DNAH5: variants seen among roughly 807,000 people sequenced by gnomAD.
DNAH5 encodes the protein axonemal beta dynein heavy chain 5.
DNAH5 carries 372 observed loss-of-function variants against 518.2 expected under a neutral mutation model. The ratio of observed to expected loss-of-function variants is 0.72; its 90% CI spans 0.66 to 0.78. DNAH5 has a LOEUF of 0.78. Among genes scored for constraint, DNAH5 ranks in the 30% least tolerant of loss-of-function variants. The pLI is 0.00. For synonymous variants in DNAH5, 2,039 were observed against 2,025.9 expected, an observed-to-expected ratio of 1.01 and a Z score of -0.17; for missense variants, 5,523 against 5,687.0, an observed-to-expected ratio of 0.97 and a Z score of 0.93.
intron 35 of DNAH5, among the ~76,000 whole-genome samples, chr5:13,832,972 T>C (rs1763866568): frequency 6.6e-6 from 1 of 152,206 alleles, no homozygotes; most frequent in Non-Finnish European, 1.5e-5. Context: ...TTTCAACTCC[T>C]ATTGGTTCTA....
chr5:13,824,107 G>T lies in DNAH5; in HGVS notation c.6579+92C>A, dbSNP rs188403653. ...TCTGACAATTAGGCATTTTAAATGA[G>T]CATTTTAAATAAATATTTTGAAGTC... On this transcript the variant is annotated intron_variant, in intron 39 of 78. Coordinates refer to ENST00000265104, the MANE Select transcript of DNAH5 (RefSeq NM_001369.3). 2.5e-4 allele frequency: 320 copies of T among 1,270,200 alleles called. 1 individual carries two copies. The African/African-American group carries it at 4.1e-3, about 16-fold the overall frequency. 78.7% of individuals were successfully genotyped at this position (1,270,200 alleles called of 1,614,324 possible).
intron 65 of DNAH5, among the ~76,000 whole-genome samples, chr5:13,740,487 T>C (rs1475008922): frequency 6.6e-6 from 1 of 152,156 alleles, no homozygotes; most frequent in African/African-American, 2.4e-5. Context: ...CCTTTTTCAC[T>C]TTGCTCTAGC....
chr5:13,872,679 T>A (rs1207464583), intron 22 of DNAH5, among the ~76,000 whole-genome samples: 1 of 152,188 alleles, frequency 6.6e-6, no homozygotes, highest in African/African-American at 2.4e-5. Flanking sequence ...TAGGGGACAG[T>A]GCTGACATAA....
At chr5:13,727,015 T>C (rs1745829091) in intron 70 of DNAH5, among the ~76,000 whole-genome samples, 1 of 152,226 alleles carries the variant, frequency 6.6e-6, no homozygotes, top group Non-Finnish European at 1.5e-5. Flanking sequence ...TGAAATTCAG[T>C]TGTAAGACAA....
chr5:13,823,215 T>G (rs762915879), intron 40 of DNAH5, 48 bp downstream of exon 40: 12 of 1,256,720 alleles, frequency 9.5e-6, no homozygotes, highest in African/African-American at 1.5e-5. Flanking sequence ...TCCCATTAAA[T>G]TCAGATGAAA....
intron 69 of DNAH5, among the ~76,000 whole-genome samples, chr5:13,728,422 A>T (rs1746045356): frequency 6.6e-6 from 1 of 152,176 alleles, no homozygotes; most frequent in South Asian, 2.1e-4. Flanking sequence ...TTCCAGGTTC[A>T]TATTTAGAAA....
chr5:13,966,749 T>G (rs1276718117), intron 1 of DNAH5, among the ~76,000 whole-genome samples: 1 of 152,244 alleles, frequency 6.6e-6, no homozygotes, highest in African/African-American at 2.4e-5. Flanking sequence ...CCTTGTAGAT[T>G]CTGGATATTA....
chr5:13,820,277 T>G, intron 41 of DNAH5, 69 bp downstream of exon 41: 2 of 1,526,626 alleles, frequency 1.3e-6, no homozygotes, highest in Non-Finnish European at 1.8e-6. Context: ...TGTATCCCTC[T>G]TGGGCATTCA....
chr5:13,992,706 T>C (rs1783644428), intron 1 of DNAH5, among the ~76,000 whole-genome samples: 1 of 152,212 alleles, frequency 6.6e-6, no homozygotes, highest in African/African-American at 2.4e-5. Context: ...TATTCCACTC[T>C]CCTCTAATGT....
intron 29 of DNAH5, among the ~76,000 whole-genome samples, chr5:13,859,853 C>A: frequency 6.6e-6 from 1 of 152,094 alleles, no homozygotes. Flanking sequence ...AGGAGTAGAT[C>A]AGGCATTAGA....
At chr5:13,952,852 A>T (rs1444758157) in intron 1 of DNAH5, among the ~76,000 whole-genome samples, 1 of 152,184 alleles carries the variant, frequency 6.6e-6, no homozygotes, top group Non-Finnish European at 1.5e-5. Flanking sequence ...GTGCAATCAT[A>T]GCTCACTGCA....
chr5:13,826,542 C>T (rs935566530), intron 38 of DNAH5, among the ~76,000 whole-genome samples: 4 of 152,126 alleles, frequency 2.6e-5, no homozygotes, highest in Non-Finnish European at 5.9e-5. Context: ...AGGGGCTTTT[C>T]CCCCTCTTCA....
At chr5:13,893,384 GAC>G (rs906644791) in intron 16 of DNAH5, among the ~76,000 whole-genome samples, 2 of 152,122 alleles carry the variant, frequency 1.3e-5, no homozygotes, top group African/African-American at 4.8e-5. Flanking sequence ...AATGAAGAGA[GAC>G]TAAGTATATA....
chr5:13,788,880 C>T lies in DNAH5; in HGVS notation c.8483G>A (p.Arg2828His), dbSNP rs749784825. 9.3e-6 allele frequency: 15 copies of T among 1,613,998 alleles called. No homozygotes were observed. The East Asian group carries it at 1.1e-4, about 12-fold the overall frequency. The change falls in exon 51 of 79, where the codon CGT (arginine) becomes CAT (histidine). Residue 2828 changes from arginine (R) to histidine (H), a missense_variant. Physicochemically the swap from Arg to His is conservative, Grantham distance 29 (BLOSUM62 0). Around this residue, in one of 3 missense-constraint regions of DNAH5, gnomAD observed 5,121 missense variants for 5,223.3 expected, o/e 0.98. Coordinates refer to ENST00000265104, the MANE Select transcript of DNAH5 (RefSeq NM_001369.3). ...LLKLWKHECK[R>H]VIADRFTVSS... ...CACTGTGAAACGGTCAGCTATAACA[C>T]GTTTACACTCATGCTTCCACAGCTT...
rs948730317 is a variant in DNAH5 at position 13,776,612 on chromosome 5, T to C, written c.9200A>G (p.Asn3067Ser). The part of the protein sequence containing the change: ...KKEFPRCLPT[N>S]ENLHDYFMSR... ...CATGAAGTAGTCGTGCAGGTTCTCA[T>C]TGGTAGGAAGGCACCTGGGGAATTC... The change falls in exon 55 of 79, where the codon AAT (asparagine) becomes AGT (serine). Residue 3067 changes from asparagine to serine, a missense_variant. Physicochemically the swap from Asn to Ser is conservative, Grantham distance 46. Coordinates refer to ENST00000265104, the MANE Select transcript of DNAH5 (RefSeq NM_001369.3). The C allele has an allele frequency of 2.5e-6, 4 of 1,613,830 alleles. No homozygotes were observed. The highest frequency in any genetic ancestry group is 2.2e-5 in the East Asian group (1 of 44,882).
rs1298985586 is a variant in DNAH5, at chr5:13,891,100, T to C, written c.2453A>G (p.Asp818Gly). Residue 818 changes from aspartate (D) to glycine (G), a missense_variant, in exon 17 of 79, where the codon GAC becomes GGC. By Grantham distance (94) the Asp-to-Gly change is moderately conservative. Coordinates refer to ENST00000265104, the MANE Select transcript of DNAH5 (RefSeq NM_001369.3). ...AKIKDLELLL[D>G]RVNDLIEFRI... is the part of the protein sequence containing the mutation. ...GAACTCAATCAAATCATTGACCCTG[T>C]CAAGCAGCAACTCCAGGTCCTCTTT... 7.4e-6 allele frequency: 12 copies of C among 1,613,996 alleles called. No individual in the cohort carries two copies. The Admixed American group carries it at 2.0e-4, about 27-fold the overall frequency.
At chr5:13,875,547 G>C (rs1397245443) in intron 22 of DNAH5, among the ~76,000 whole-genome samples, 2 of 149,218 alleles carry the variant, frequency 1.3e-5, no homozygotes, top group African/African-American at 4.9e-5. Context: ...CTTCCTCTTA[G>C]ATTTTCATAA....
chr5:13,735,658 A>G (rs527248021), intron 67 of DNAH5, among the ~76,000 whole-genome samples, 160 bp downstream of exon 67: 1 of 152,344 alleles, frequency 6.6e-6, no homozygotes, highest in African/African-American at 2.4e-5. Context: ...ATAAAATGGC[A>G]AATCAGAATG....
intron 31 of DNAH5, among the ~76,000 whole-genome samples, chr5:13,846,128 C>T (rs1249577493): frequency 6.6e-6 from 1 of 151,772 alleles, no homozygotes; most frequent in Non-Finnish European, 1.5e-5. Context: ...CATGAGCCAC[C>T]ACACCTGGCC....
Sources: gnomAD v4.1 joint callset for allele counts (sites outside exome capture counted in the v4.1 genomes callset) on GRCh38, gnomAD v4.1.1 for gene constraint, gnomAD v4.1.1 regional missense constraint, MANE v1.5 for transcripts, NCBI Gene and HGNC (gene_info 2026-07-23, HGNC 2026-07-21) for gene names.